Variants in GRIK2 observed in about 807,000 individuals in gnomAD.
GRIK2 encodes glutamate ionotropic receptor kainate type subunit 2, also known as glutamate receptor ionotropic, kainate 2.
In GRIK2, 32 loss-of-function variants were observed where a neutral mutation model predicts 100.3. The ratio of observed to expected loss-of-function variants is 0.32; its 90% CI spans 0.24 to 0.43. The LOEUF (loss-of-function observed/expected upper bound fraction) is 0.43. GRIK2 is among the 20% of genes least tolerant of loss of function. The pLI is 1.00. For missense variants in GRIK2, 843 were observed against 1,114.9 expected (o/e 0.76, Z 3.47); for synonymous variants, 417 against 389.4 (o/e 1.07, Z -0.83).
chr6:101,524,773 C>G (rs552963641), intron 2 of GRIK2, among the ~76,000 whole-genome samples: 1 of 150,998 alleles, frequency 6.6e-6, no homozygotes, highest in South Asian at 2.1e-4. Flanking sequence ...CTCTTGTTGC[C>G]CAGGCTGGAG....
chr6:102,042,860 C>A (rs1036702932), intron 15 of GRIK2, among the ~76,000 whole-genome samples: 2 of 151,534 alleles, frequency 1.3e-5, no homozygotes, highest in African/African-American at 4.8e-5. Context: ...AATATGACAG[C>A]AAATCTATTT....
chr6:101,911,451 T>A (rs1438137116), intron 12 of GRIK2, among the ~76,000 whole-genome samples: 2 of 151,584 alleles, frequency 1.3e-5, no homozygotes, highest in Non-Finnish European at 3.0e-5. Flanking sequence ...TGTATTTGGG[T>A]AGCTTTATTG....
chr6:101,505,061 T>G (rs12663548), intron 2 of GRIK2, among the ~76,000 whole-genome samples: 12 of 41,418 alleles, frequency 2.9e-4, no homozygotes, highest in Non-Finnish European at 3.5e-4. Context: ...GTTTTTTTTG[T>G]TTTTTTTTTT....
intron 14 of GRIK2, among the ~76,000 whole-genome samples, chr6:102,029,786 A>G (rs1156294108): frequency 6.6e-6 from 1 of 151,278 alleles, no homozygotes; most frequent in Non-Finnish European, 1.5e-5. Context: ...ACTGAGGTAC[A>G]GTTGACCTCA....
intron 7 of GRIK2, among the ~76,000 whole-genome samples, chr6:101,695,266 G>C (rs184653003): frequency 7.7e-4 from 117 of 152,170 alleles, no homozygotes; most frequent in Non-Finnish European, 1.1e-3. Flanking sequence ...TCCTCACATG[G>C]TGGGAGAAAC....
At chr6:101,495,276 C>T (rs988151408) in intron 2 of GRIK2, among the ~76,000 whole-genome samples, 4 of 151,812 alleles carry the variant, frequency 2.6e-5, no homozygotes, top group Admixed American at 2.0e-4. Context: ...GAGGCCGAGG[C>T]GGGTGGATCA....
chr6:101,586,915 AG>A (rs1554224205), intron 2 of GRIK2, among the ~76,000 whole-genome samples: 12 of 123,700 alleles, frequency 9.7e-5, no homozygotes, highest in Non-Finnish European at 1.3e-4. Context: ...AAAAAAAAAG[AG>A]AGATATCAAA....
intron 2 of GRIK2, among the ~76,000 whole-genome samples, chr6:101,503,496 C>T (rs1347572961): frequency 6.6e-6 from 1 of 151,892 alleles, no homozygotes; most frequent in African/African-American, 2.4e-5. Context: ...AGTGATTAAC[C>T]GAAAAAAGCA....
At chr6:101,399,827 G>A (rs1775189771) in intron 2 of GRIK2, among the ~76,000 whole-genome samples, 2 of 152,242 alleles carry the variant, frequency 1.3e-5, no homozygotes, top group African/African-American at 4.8e-5. Context: ...AGTTGCGCCT[G>A]TCCGCTTCCG....
intron 2 of GRIK2, among the ~76,000 whole-genome samples, chr6:101,511,192 A>G (rs960440369): frequency 6.6e-6 from 1 of 152,218 alleles, no homozygotes; most frequent in Non-Finnish European, 1.5e-5. Flanking sequence ...TCTCTATCCC[A>G]ATAACAAATC....
chr6:101,639,725 A>C (rs1372679614), intron 4 of GRIK2, among the ~76,000 whole-genome samples: 1 of 152,196 alleles, frequency 6.6e-6, no homozygotes, highest in African/African-American at 2.4e-5. Flanking sequence ...ATATTCAGAG[A>C]TAACATTATC....
intron 14 of GRIK2, among the ~76,000 whole-genome samples, chr6:101,930,868 C>G (rs181458682): frequency 6.6e-6 from 1 of 152,014 alleles, no homozygotes; most frequent in Admixed American, 6.6e-5. Context: ...GCCTCTAGCA[C>G]CTTGAGAAAG....
intron 7 of GRIK2, among the ~76,000 whole-genome samples, chr6:101,788,672 C>T (rs2128406182): frequency 6.6e-6 from 1 of 152,250 alleles, no homozygotes. Context: ...AATAAACATA[C>T]ATGTGCATGT....
At chr6:101,751,139 A>G (rs546065338) in intron 7 of GRIK2, among the ~76,000 whole-genome samples, 10 of 152,028 alleles carry the variant, frequency 6.6e-5, no homozygotes, top group Non-Finnish European at 1.2e-4. Context: ...GGGTCCCACT[A>G]TGTTATCCAG....
intron 14 of GRIK2, among the ~76,000 whole-genome samples, chr6:101,977,933 G>A (rs1793490660): frequency 1.3e-5 from 2 of 151,938 alleles, no homozygotes; most frequent in Admixed American, 1.3e-4. Context: ...TACTTGAAAT[G>A]GACTGAACAA....
chr6:101,584,942 G>C (rs1778282055), intron 2 of GRIK2, among the ~76,000 whole-genome samples: 1 of 151,900 alleles, frequency 6.6e-6, no homozygotes, highest in African/African-American at 2.4e-5. Context: ...ATTTCAGTAA[G>C]TGGAGATGTA....
intron 2 of GRIK2, among the ~76,000 whole-genome samples, chr6:101,534,839 T>C (rs192672959): frequency 2.2e-3 from 334 of 151,942 alleles, no homozygotes; most frequent in Middle Eastern, 6.8e-3. Context: ...ACTTTTTTTT[T>C]CAAAGCTTTT....
intron 7 of GRIK2, among the ~76,000 whole-genome samples, chr6:101,771,086 T>C (rs961052193): frequency 6.6e-6 from 1 of 152,154 alleles, no homozygotes; most frequent in African/African-American, 2.4e-5. Context: ...TTCCAACTTA[T>C]ATGGAGATAA....
chr6:102,044,385 A>G (rs541411926), intron 15 of GRIK2, among the ~76,000 whole-genome samples: 10 of 152,164 alleles, frequency 6.6e-5, no homozygotes, highest in Non-Finnish European at 1.0e-4. Context: ...GTCTGTTTTC[A>G]TGCTGCTGAT....
Sources: allele counts gnomAD v4.1 joint callset (sites outside exome capture counted in the v4.1 genomes callset), GRCh38; gene constraint gnomAD v4.1.1; transcripts MANE v1.5; gene names NCBI Gene and HGNC (gene_info 2026-07-23, HGNC 2026-07-21).